OCLN: variants seen among roughly 807,000 people sequenced by gnomAD.
OCLN encodes the protein occludin.
In OCLN, 21 loss-of-function variants were observed where a neutral mutation model predicts 47.9. The ratio of observed to expected loss-of-function variants is 0.44; its 90% CI spans 0.31 to 0.63. The LOEUF is 0.63. Ranked by LOEUF, OCLN falls within the 30% of genes least tolerant of loss-of-function variation. OCLN has a pLI of 0.08. For synonymous variants in OCLN, 117 were observed against 198.4 expected (o/e 0.59, Z 3.45); for missense variants, 360 against 571.0 (o/e 0.63, Z 3.77).
chr5:69,513,096 CT>C (rs1395403023), intron 3 of OCLN, among the ~76,000 whole-genome samples: 1 of 152,210 alleles, frequency 6.6e-6, no homozygotes, highest in African/African-American at 2.4e-5. Flanking sequence ...TACCACACCC[CT>C]ATCCCTCTTA....
intron 4 of OCLN, among the ~76,000 whole-genome samples, chr5:69,516,783 G>A (rs1349516431): frequency 6.6e-6 from 1 of 152,106 alleles, no homozygotes; most frequent in Non-Finnish European, 1.5e-5. Flanking sequence ...GAGGCCAGGT[G>A]TGGTGGCTCA....
At chr5:69,518,358 A>G (rs139168991) in intron 4 of OCLN, among the ~76,000 whole-genome samples, 7 of 152,274 alleles carry the variant, frequency 4.6e-5, no homozygotes, top group African/African-American at 1.7e-4. Context: ...GTTTTATGTG[A>G]TTCTTAACCA....
At position 69,505,253 on chromosome 5, in the gene OCLN, A is replaced by AAAAT. The variant is rs1230775095; in HGVS notation, c.50+975_50+978dup. Among the ~76,000 whole-genome samples, 13 of 152,334 alleles carry AAAAT rather than the reference A, an allele frequency of 8.5e-5. No individual in the cohort carries two copies. In the South Asian group the frequency reaches 1.7e-3, roughly 19 times the overall value. The stretch of plus-strand genomic sequence containing the variant: ...TGACAAGAGCAAAACTCCGTCTCAA[A>AAAAT]AAATAAATAAATAAATAAAAATAAC... On this transcript the variant is annotated intron_variant, in intron 2 of 8. Coordinates refer to ENST00000396442, the MANE Select transcript of OCLN (RefSeq NM_001205254.2).
chr5:69,516,434 C>T (rs1187801845), intron 4 of OCLN, among the ~76,000 whole-genome samples: 2 of 151,902 alleles, frequency 1.3e-5, no homozygotes, highest in Admixed American at 6.6e-5. Flanking sequence ...TGCAGTGAGC[C>T]GAGATGGCAG....
At chr5:69,550,255 T>C (rs1432785115) in intron 7 of OCLN, among the ~76,000 whole-genome samples, 11 of 116,558 alleles carry the variant, frequency 9.4e-5, no homozygotes, top group African/African-American at 3.3e-4. Flanking sequence ...GCAGTGGCGC[T>C]ATCTTGGCTC....
At chr5:69,504,099 C>A (rs1307660025) in intron 1 of OCLN, 78 bp from the exon 2 acceptor site, 1 of 645,310 alleles carries the variant, frequency 1.5e-6, no homozygotes, top group African/African-American at 2.4e-5. Context: ...GACCCTGTCT[C>A]GGGGTGGGGG....
chr5:69,513,010 AG>A (rs1300298678), intron 3 of OCLN, among the ~76,000 whole-genome samples: 2 of 152,122 alleles, frequency 1.3e-5, no homozygotes, highest in Non-Finnish European at 2.9e-5. Flanking sequence ...CTGCAGACGT[AG>A]GTTTTCACAG....
rs145044535 is a variant in OCLN, at chr5:69,493,212, G to A, written c.-69+312G>A. On this transcript the variant is annotated intron_variant, in intron 1 of 8. Coordinates refer to ENST00000396442, the MANE Select transcript of OCLN (RefSeq NM_001205254.2). The surrounding 1 kb of genome is among the most constrained non-coding windows in gnomAD (Gnocchi z 5.3). ...GCGGGCAACTTTTCACTTTTATGGGGCACGACATTCCTGAACAGCGACGAT... is the reference window on the plus strand; with the variant it reads ...GCGGGCAACTTTTCACTTTTATGGGACACGACATTCCTGAACAGCGACGAT... 4.7e-3 allele frequency among the ~76,000 whole-genome samples: 718 copies of A among 152,266 alleles called. 2 individuals carry two copies. Among genetic ancestry groups the A allele is most frequent in the African/African-American group, 0.016 (669 of 41,570 alleles).
At chr5:69,512,487 G>A (rs953550253) in intron 3 of OCLN, among the ~76,000 whole-genome samples, 3 of 152,282 alleles carry the variant, frequency 2.0e-5, no homozygotes, top group South Asian at 2.1e-4. Flanking sequence ...TGGAGTGGGA[G>A]TTCTCCAACT....
At chr5:69,514,163 T>C (rs909397046) in intron 4 of OCLN, 54 bp downstream of exon 4, 2 of 1,480,896 alleles carry the variant, frequency 1.4e-6, no homozygotes, top group Non-Finnish European at 1.9e-6. Flanking sequence ...AATTTGTGTC[T>C]GAATTTTTAG....
chr5:69,513,333 T>G (rs543722142), intron 3 of OCLN, among the ~76,000 whole-genome samples: 1 of 152,290 alleles, frequency 6.6e-6, no homozygotes, highest in Non-Finnish European at 1.5e-5. Context: ...TATGCAAGAC[T>G]CCTGAAACAG....
intron 4 of OCLN, among the ~76,000 whole-genome samples, chr5:69,519,467 C>T (rs1173378501): frequency 6.6e-6 from 1 of 152,098 alleles, no homozygotes; most frequent in Non-Finnish European, 1.5e-5. Context: ...CTTTTTTTCC[C>T]CCTTCCTTTT....
intron 1 of OCLN, among the ~76,000 whole-genome samples, chr5:69,497,266 A>G (rs565844812): frequency 6.6e-6 from 1 of 152,256 alleles, no homozygotes; most frequent in Admixed American, 6.5e-5. Context: ...TTTCTAGGAT[A>G]ACAAAGACAG....
At position 69,555,124 on chromosome 5, in the gene OCLN, C is replaced by A. The variant is rs1445078392; in HGVS notation, c.*1453C>A. 1 of 108,102 alleles carries A rather than the reference C, an allele frequency of 9.3e-6. No homozygotes were observed. Among genetic ancestry groups the A allele is most frequent in the Non-Finnish European group, 2.3e-5 (1 of 43,896 alleles). 6.7% of individuals were successfully genotyped at this position (108,102 alleles called of 1,614,324 possible). A position where few individuals can be genotyped will look rare whatever the true frequency, so the allele number is the denominator to read the frequency against. On this transcript the variant is annotated 3_prime_UTR_variant, in exon 9 of 9. Coordinates refer to ENST00000396442, the MANE Select transcript of OCLN (RefSeq NM_001205254.2). ...CTAATTTTTGTATTTTTAATAGAGA[C>A]GGGGTTTTACCATAGTGGCCAGGTT...
chr5:69,520,102 G>C (rs1281353968), intron 4 of OCLN, among the ~76,000 whole-genome samples: 1 of 151,996 alleles, frequency 6.6e-6, no homozygotes, highest in East Asian at 1.9e-4. Flanking sequence ...GGGATTACAG[G>C]TGCCTGCCAC....
At chr5:69,504,030 A>G in intron 1 of OCLN, 147 bp from the exon 2 acceptor site, 1 of 598,376 alleles carries the variant, frequency 1.7e-6, no homozygotes, top group Non-Finnish European at 3.0e-6. Context: ...AGCCTGGTAG[A>G]TCAAGGCTGC....
At chr5:69,505,765 G>A (rs1768582439) in intron 2 of OCLN, among the ~76,000 whole-genome samples, 1 of 152,174 alleles carries the variant, frequency 6.6e-6, no homozygotes, top group Non-Finnish European at 1.5e-5. Flanking sequence ...AAGTGTAGTG[G>A]AGTGTGATAT....
At chr5:69,516,684 A>G (rs896807973) in intron 4 of OCLN, among the ~76,000 whole-genome samples, 13 of 152,200 alleles carry the variant, frequency 8.5e-5, no homozygotes, top group Non-Finnish European at 1.9e-4. Context: ...CAAGCTTCCT[A>G]TATGATGTGA....
At chr5:69,502,585 G>C (rs1469590216) in intron 1 of OCLN, 1 of 152,190 alleles carries the variant, frequency 6.6e-6, no homozygotes, top group Admixed American at 6.5e-5. Context: ...AGATCTCAAA[G>C]TTCCCTACTC....
Sources: gnomAD v4.1 joint callset for allele counts (sites outside exome capture counted in the v4.1 genomes callset) on GRCh38, gnomAD v4.1.1 for gene constraint, Gnocchi (gnomAD v3.1) non-coding constraint, MANE v1.5 for transcripts, NCBI Gene and HGNC (gene_info 2026-07-23, HGNC 2026-07-21) for gene names.